Variants in SEMA3A observed in about 807,000 individuals in gnomAD.
SEMA3A encodes the protein semaphorin 3A.
In SEMA3A, 29 loss-of-function variants were observed where a neutral mutation model predicts 97.9. That is an observed-to-expected ratio of 0.30 (90% CI 0.22 to 0.40). SEMA3A has a LOEUF of 0.40. SEMA3A is among the 10% of genes least tolerant of loss of function. The pLI, the probability that SEMA3A is intolerant of heterozygous loss-of-function variation, is 1.00. For synonymous variants in SEMA3A, 321 were observed against 323.7 expected, an observed-to-expected ratio of 0.99 and a Z score of 0.09; for missense variants, 763 against 951.3, an observed-to-expected ratio of 0.80 and a Z score of 2.60.
At chr7:84,108,759 G>T (rs1392902735) in intron 4 of SEMA3A, among the ~76,000 whole-genome samples, 6 of 151,990 alleles carry the variant, frequency 3.9e-5, no homozygotes, top group African/African-American at 1.4e-4. Context: ...CAAAAAATTA[G>T]CCGGACATGT....
At chr7:84,199,972 G>A (rs1056356340), upstream of SEMA3A, among the ~76,000 whole-genome samples, 7 of 152,034 alleles carry the variant, frequency 4.6e-5, no homozygotes, top group African/African-American at 1.4e-4. Context: ...AGCAACATGT[G>A]AAAGCATGAG....
chr7:84,155,832 A>G (rs1338202835), intron 1 of SEMA3A, among the ~76,000 whole-genome samples: 1 of 152,154 alleles, frequency 6.6e-6, no homozygotes, highest in African/African-American at 2.4e-5. Context: ...GTTTAACTGT[A>G]GGGTAAAAGA....
rs1274643408 is a variant in SEMA3A at position 83,980,904 on chromosome 7, A to C, written c.1652+417T>G. On this transcript the variant is annotated intron_variant, in intron 14 of 16. Coordinates refer to ENST00000265362, the MANE Select transcript of SEMA3A (RefSeq NM_006080.3). ...CAAAACTAGAAATAAATTCTTCTGG[A>C]CTTTTTATAATTAGGCCCCTGTGTA... Among the ~76,000 whole-genome samples, 11 of 152,162 alleles carry C rather than the reference A, an allele frequency of 7.2e-5. No individual in the cohort carries two copies. The East Asian group carries it at 2.1e-3, about 29-fold the overall frequency.
chr7:83,988,752 A>T (rs1461992813), intron 12 of SEMA3A, among the ~76,000 whole-genome samples: 2 of 152,100 alleles, frequency 1.3e-5, no homozygotes, highest in African/African-American at 4.8e-5. Flanking sequence ...AAAGACAATT[A>T]TGATGAAAGG....
intron 2 of SEMA3A, among the ~76,000 whole-genome samples, chr7:84,342,874 G>C (rs149351817): frequency 1.7e-3 from 262 of 152,300 alleles, no homozygotes; most frequent in African/African-American, 6.0e-3. Flanking sequence ...GAATGGCAAA[G>C]AACACTATAG....
chr7:84,449,942 C>A (rs1805515500), intron 1 of SEMA3A, among the ~76,000 whole-genome samples: 1 of 152,158 alleles, frequency 6.6e-6, no homozygotes, highest in Admixed American at 6.5e-5. Context: ...ATTAATATTT[C>A]ATTGCATCTA....
intron 3 of SEMA3A, among the ~76,000 whole-genome samples, chr7:84,288,917 T>C (rs1800666487): frequency 6.6e-6 from 1 of 152,076 alleles, no homozygotes; most frequent in African/African-American, 2.4e-5. Flanking sequence ...ACTCCTCCCA[T>C]GTTTATTGGA....
intron 3 of SEMA3A, among the ~76,000 whole-genome samples, chr7:84,116,668 C>T (rs955945727): frequency 3.9e-5 from 6 of 152,034 alleles, no homozygotes; most frequent in Non-Finnish European, 7.4e-5. Flanking sequence ...TAAGAAGAAA[C>T]TTGGATACAT....
At chr7:83,973,867 A>G (rs1789018688) in intron 15 of SEMA3A, among the ~76,000 whole-genome samples, 1 of 147,088 alleles carries the variant, frequency 6.8e-6, no homozygotes, top group African/African-American at 2.6e-5. Context: ...ACCTAACATG[A>G]TGGTACAGTT....
chr7:83,997,743 T>C (rs1233783793), intron 12 of SEMA3A, among the ~76,000 whole-genome samples: 1 of 151,504 alleles, frequency 6.6e-6, no homozygotes, highest in Non-Finnish European at 1.5e-5. Flanking sequence ...ATGAAATTTT[T>C]CTTTTTTTTT....
At chr7:84,419,966 C>A (rs1584309675) in intron 1 of SEMA3A, among the ~76,000 whole-genome samples, 1 of 152,122 alleles carries the variant, frequency 6.6e-6, no homozygotes, top group African/African-American at 2.4e-5. Flanking sequence ...TAGCTGAACA[C>A]ACGCTAAAGG....
At chr7:84,418,981 A>G (rs1236872479) in intron 1 of SEMA3A, among the ~76,000 whole-genome samples, 3 of 152,114 alleles carry the variant, frequency 2.0e-5, no homozygotes, top group African/African-American at 7.2e-5. Flanking sequence ...ATATATATAC[A>G]TACATACATA....
At chr7:84,302,683 A>C (rs1801048219) in intron 3 of SEMA3A, among the ~76,000 whole-genome samples, 1 of 152,184 alleles carries the variant, frequency 6.6e-6, no homozygotes, top group Admixed American at 6.5e-5. Flanking sequence ...GCTGCTTATG[A>C]CAATGATAAT....
rs528085073 is a variant in SEMA3A at position 84,051,848 on chromosome 7, T to G, written c.548-5405A>C. The stretch of plus-strand genomic sequence containing the variant: ...TTCAGTATGATATTGGCTGTGGGTT[T>G]GTCATAGATAGCTCTTATTATTTTG... On this transcript the variant is annotated intron_variant, in intron 5 of 16. Transcript: ENST00000265362. Among the ~76,000 whole-genome samples, 518 of 151,610 alleles carry G rather than the reference T, an allele frequency of 3.4e-3. 2 individuals are homozygous for G. The highest frequency in any genetic ancestry group is 0.012 in the African/African-American group (478 of 41,462).
chr7:84,013,078 TAGAA>T (rs1265629169), intron 7 of SEMA3A, among the ~76,000 whole-genome samples: 2 of 152,164 alleles, frequency 1.3e-5, no homozygotes, highest in Non-Finnish European at 2.9e-5. Flanking sequence ...GGGTCACACA[TAGAA>T]AGAAACAGAT....
chr7:84,008,143 G>T (rs1790739254), intron 9 of SEMA3A, among the ~76,000 whole-genome samples: 1 of 152,066 alleles, frequency 6.6e-6, no homozygotes. Context: ...CAAAAATTTT[G>T]TTCGCTAAAC....
At chr7:84,250,304 A>G (rs1799578647) in intron 3 of SEMA3A, among the ~76,000 whole-genome samples, 1 of 152,088 alleles carries the variant, frequency 6.6e-6, no homozygotes. Flanking sequence ...AAGAAAAAAA[A>G]AGTAACATTT....
intron 1 of SEMA3A, among the ~76,000 whole-genome samples, chr7:84,383,938 G>A (rs1314498993): frequency 6.6e-6 from 1 of 152,136 alleles, no homozygotes; most frequent in Non-Finnish European, 1.5e-5. Flanking sequence ...TTAAGAGACA[G>A]GTATCTCCTT....
At chr7:84,407,975 T>A (rs1207516058) in intron 1 of SEMA3A, among the ~76,000 whole-genome samples, 1 of 152,138 alleles carries the variant, frequency 6.6e-6, no homozygotes, top group Non-Finnish European at 1.5e-5. Context: ...ATTCAGGACA[T>A]AAGCATGGGC....
Sources: allele counts gnomAD v4.1 joint callset (sites outside exome capture counted in the v4.1 genomes callset), GRCh38; gene constraint gnomAD v4.1.1; transcripts MANE v1.5; gene names NCBI Gene and HGNC (gene_info 2026-07-23, HGNC 2026-07-21).